The following CHLSN variants were observed in gnomAD, a reference collection of about 807,000 sequenced individuals.
CHLSN encodes protein cholesin.
At chr7:1,115,525 G>A in the CHLSN span, among the ~76,000 whole-genome samples, 14 of 148,082 alleles carry the variant, frequency 9.5e-5, no homozygotes, top group Non-Finnish European at 1.8e-4. Context: ...CATCACCAAC[G>A]CCCATGCAGG....
chr7:986,978 G>A, the CHLSN span: 31 of 1,356,874 alleles, frequency 2.3e-5, no homozygotes, highest in East Asian at 5.2e-4. Flanking sequence ...TGCCTGCCTC[G>A]GGGACGCTGA....
the CHLSN span, chr7:1,091,641 C>A: frequency 1.0e-6 from 1 of 1,002,560 alleles, no homozygotes; most frequent in Non-Finnish European, 1.5e-6. Flanking sequence ...CAAGGAGAAT[C>A]ACGCTTCTTT....
the CHLSN span, among the ~76,000 whole-genome samples, chr7:1,116,874 G>A: frequency 5.0e-4 from 23 of 45,982 alleles, 2 homozygotes; most frequent in Non-Finnish European, 8.5e-4. Flanking sequence ...TCTACGGACC[G>A]GCTTCCATCA....
chr7:1,030,959 G>A, the CHLSN span, among the ~76,000 whole-genome samples: 1 of 152,230 alleles, frequency 6.6e-6, no homozygotes, highest in East Asian at 1.9e-4. Flanking sequence ...CACCCAGGCT[G>A]AGCTAAGGGC....
the CHLSN span, among the ~76,000 whole-genome samples, chr7:1,004,787 A>C: frequency 6.6e-6 from 1 of 152,204 alleles, no homozygotes; most frequent in Non-Finnish European, 1.5e-5. Flanking sequence ...CTCTCTGCCT[A>C]GGTGGGGCAG....
chr7:1,017,019 G>C, the CHLSN span, among the ~76,000 whole-genome samples: 17 of 150,444 alleles, frequency 1.1e-4, no homozygotes, highest in African/African-American at 4.2e-4. Flanking sequence ...GCAGCACACA[G>C]CAGCGCCCAC....
chr7:1,034,392 G>T, the CHLSN span, among the ~76,000 whole-genome samples: 4 of 148,830 alleles, frequency 2.7e-5, no homozygotes, highest in South Asian at 2.1e-4. Flanking sequence ...AAATTTCAGG[G>T]TTTTTTTTTT....
chr7:1,020,991 G>T, the CHLSN span, among the ~76,000 whole-genome samples: 2 of 139,348 alleles, frequency 1.4e-5, no homozygotes, highest in African/African-American at 6.8e-5. Flanking sequence ...CTTCAGGCAG[G>T]TACCTCCAGG....
chr7:1,093,856 C>T, the CHLSN span: 4 of 296,356 alleles, frequency 1.3e-5, no homozygotes, highest in South Asian at 8.4e-5. Flanking sequence ...TGGGGTGGGA[C>T]GTGGGGTGGG....
chr7:1,028,888 G>T, the CHLSN span: 1 of 630,430 alleles, frequency 1.6e-6, no homozygotes, highest in Non-Finnish European at 1.8e-6. Context: ...TCTCTCCCCA[G>T]TCTGACTCCA....
At chr7:1,055,684 C>G in the CHLSN span, among the ~76,000 whole-genome samples, 1 of 152,290 alleles carries the variant, frequency 6.6e-6, no homozygotes, top group East Asian at 1.9e-4. Context: ...GGTCCCGGCC[C>G]TTGGCAAGCT....
the CHLSN span, among the ~76,000 whole-genome samples, chr7:1,059,848 T>TCTTAGGCAGGC: frequency 5.4e-3 from 163 of 30,246 alleles, 2 homozygotes; most frequent in Admixed American, 6.3e-3. Flanking sequence ...GTGAGGCGGG[T>TCTTAGGCAGGC]CCGTAGTGGG....
the CHLSN span, among the ~76,000 whole-genome samples, chr7:1,085,247 T>C: frequency 4.7e-4 from 72 of 152,344 alleles, no homozygotes; most frequent in Non-Finnish European, 9.1e-4. Context: ...TTTTATTCTA[T>C]CCTGGGGATG....
At chr7:1,023,504 A>G in the CHLSN span, among the ~76,000 whole-genome samples, 1 of 151,700 alleles carries the variant, frequency 6.6e-6, no homozygotes, top group Admixed American at 6.6e-5. The surrounding 1 kb of genome is among the most constrained non-coding windows in gnomAD (Gnocchi z 5.0). Context: ...GGTCCCCCGC[A>G]GGCTCCTTCC....
the CHLSN span, among the ~76,000 whole-genome samples, chr7:1,050,325 T>C: frequency 6.6e-6 from 1 of 152,188 alleles, no homozygotes; most frequent in Admixed American, 6.5e-5. Flanking sequence ...CCCCAGGGCA[T>C]TTGCTCAGGC....
chr7:1,063,929 T>A, the CHLSN span, among the ~76,000 whole-genome samples: 2 of 152,028 alleles, frequency 1.3e-5, no homozygotes, highest in Non-Finnish European at 2.9e-5. Context: ...GCTCCGCAAG[T>A]CCCCACCTGG....
chr7:1,121,991 T>C, the CHLSN span, among the ~76,000 whole-genome samples: 1 of 152,194 alleles, frequency 6.6e-6, no homozygotes, highest in East Asian at 1.9e-4. Context: ...TGAGCCCTCA[T>C]GGTCCTTACA....
the CHLSN span, among the ~76,000 whole-genome samples, chr7:1,100,046 C>T: frequency 1.3e-5 from 2 of 152,308 alleles, no homozygotes; most frequent in East Asian, 1.9e-4. Context: ...CCCCCGTCCC[C>T]GTTCTGTGCA....
the CHLSN span, chr7:1,055,365 G>A: frequency 2.1e-6 from 1 of 470,920 alleles, no homozygotes; most frequent in Non-Finnish European, 4.4e-6. Flanking sequence ...GGTTTGCAGA[G>A]AAGCGCAGCA....
Sources: gnomAD v4.1 joint callset for allele counts (sites outside exome capture counted in the v4.1 genomes callset) on GRCh38, gnomAD v4.1.1 for gene constraint, Gnocchi (gnomAD v3.1) non-coding constraint, MANE v1.5 for transcripts, NCBI Gene and HGNC (gene_info 2026-07-23, HGNC 2026-07-21) for gene names.